ARHGAP11B: variants seen among roughly 807,000 people sequenced by gnomAD.
The protein encoded by ARHGAP11B is Rho GTPase activating protein 11B.
ARHGAP11B carries 14 observed loss-of-function variants against 27.6 expected under a neutral mutation model. The ratio of observed to expected loss-of-function variants is 0.51; its 90% confidence interval spans 0.34 to 0.79. The LOEUF (loss-of-function observed/expected upper bound fraction) is 0.79, where lower values mean the gene tolerates loss of function less well. ARHGAP11B is among the 30% of genes least tolerant of loss of function. ARHGAP11B has a pLI of 0.02. For synonymous variants in ARHGAP11B, 82 were observed against 114.1 expected (o/e 0.72, Z 1.80); for missense variants, 245 against 320.1 (o/e 0.77, Z 1.79).
chr15:30,632,897 G>C (rs1476050614), intron 2 of ARHGAP11B, among the ~76,000 whole-genome samples: 2 of 151,880 alleles, frequency 1.3e-5, no homozygotes, highest in Middle Eastern at 6.3e-3. Context: ...CGGAGCCCTG[G>C]GTTGTTCCAG....
intron 8 of ARHGAP11B, among the ~76,000 whole-genome samples, chr15:30,645,266 C>T (rs934547986): frequency 1.3e-5 from 2 of 151,632 alleles, no homozygotes; most frequent in South Asian, 2.1e-4. Context: ...AGCTGTTAAA[C>T]TCAATTTGGG....
rs147391411 is a variant in ARHGAP11B at position 30,646,946 on chromosome 15, G to A, written c.*324+651G>A. Among the ~76,000 whole-genome samples the A allele has an allele frequency of 3.1e-3, 479 of 152,076 alleles. 3 individuals are homozygous for A. The highest frequency in any genetic ancestry group is 0.01 in the African/African-American group (435 of 41,512). On this transcript the variant is annotated intron_variant, in intron 9 of 10. Transcript: ENST00000428041. Reference sequence around the variant, plus strand: ...ATTGCGGCATTGCACTCCAGCCTGGGCAAAAAGAGCGAAACTCCATCTCAA... The same window carrying A: ...ATTGCGGCATTGCACTCCAGCCTGGACAAAAAGAGCGAAACTCCATCTCAA...
Position 30,626,544 on chromosome 15 carries a change from G to A in ARHGAP11B, c.-277G>A, listed in dbSNP as rs866621754. The A allele has an allele frequency of 1.3e-4, 65 of 506,182 alleles. 1 individual carries two copies. The South Asian group carries it at 2.0e-3, about 15-fold the overall frequency. The allele number at this position is 506,182 out of a possible 1,614,324, so 31.4% of individuals were successfully genotyped here. On this transcript the variant is annotated 5_prime_UTR_variant, in exon 1 of 11. Coordinates refer to ENST00000428041, the Ensembl canonical transcript of ARHGAP11B. ...AAGAAGTCTATGTGAGTAGCTGAAAGCATTGGGTGACCAGAAAGAAGGTCG... is the reference window on the plus strand; with the variant it reads ...AAGAAGTCTATGTGAGTAGCTGAAAACATTGGGTGACCAGAAAGAAGGTCG...
At chr15:30,648,127 A>T (rs2060362615) in intron 10 of ARHGAP11B, among the ~76,000 whole-genome samples, 1 of 152,026 alleles carries the variant, frequency 6.6e-6, no homozygotes, top group African/African-American at 2.4e-5. Context: ...TATTGGTTAT[A>T]AAATACTTCA....
At chr15:30,638,950 G>A (rs1164374813) in intron 7 of ARHGAP11B, 140 bp downstream of exon 7, 1 of 474,944 alleles carries the variant, frequency 2.1e-6, no homozygotes, top group Non-Finnish European at 3.6e-6. Context: ...ATTTTTAATA[G>A]TCATACTGTA....
intron 1 of ARHGAP11B, among the ~76,000 whole-genome samples, chr15:30,629,296 C>A (rs757595613): frequency 6.6e-6 from 1 of 152,034 alleles, no homozygotes; most frequent in Non-Finnish European, 1.5e-5. Flanking sequence ...GTAATCCCAG[C>A]ATTTTGGGAG....
intron 2 of ARHGAP11B, among the ~76,000 whole-genome samples, chr15:30,632,503 C>A (rs1232473703): frequency 6.6e-6 from 1 of 151,688 alleles, no homozygotes; most frequent in Non-Finnish European, 1.5e-5. Flanking sequence ...ATCTTCATTG[C>A]AATTTCATGA....
chr15:30,637,781 C>T (rs113940128), intron 6 of ARHGAP11B, among the ~76,000 whole-genome samples: 35,831 of 148,688 alleles, frequency 0.24, 4,809 homozygotes, highest in Non-Finnish European at 0.28. Context: ...ATGCCTCCTC[C>T]TTGAATCTAC....
At chr15:30,641,995 CGT>C (rs2060318814) in intron 7 of ARHGAP11B, among the ~76,000 whole-genome samples, 1 of 152,028 alleles carries the variant, frequency 6.6e-6, no homozygotes, top group East Asian at 1.9e-4. Flanking sequence ...GGATTACAGA[CGT>C]GAGCCACGGT....
chr15:30,630,945 A>G (rs1206726131), intron 2 of ARHGAP11B, among the ~76,000 whole-genome samples, 172 bp downstream of exon 2: 1 of 151,930 alleles, frequency 6.6e-6, no homozygotes, highest in Non-Finnish European at 1.5e-5. Context: ...GGCGGAGCAC[A>G]CTTGTAGTCC....
intron 6 of ARHGAP11B, 56 bp from the exon 7 acceptor site, chr15:30,638,690 T>C (rs1364140746): frequency 1.8e-6 from 2 of 1,091,264 alleles, no homozygotes; most frequent in African/African-American, 3.3e-5. Context: ...TAATATGAAT[T>C]ATTGGTGAAA....
At position 30,647,091 on chromosome 15, in the gene ARHGAP11B, A is replaced by G. The variant is rs538153684; in HGVS notation, c.*325-577A>G. Among the ~76,000 whole-genome samples, 12 of 152,076 alleles carry G rather than the reference A, an allele frequency of 7.9e-5. No individual in the cohort carries two copies. In the South Asian group the frequency reaches 2.3e-3, roughly 29 times the overall value. On this transcript the variant is annotated intron_variant, in intron 9 of 10. Transcript: ENST00000428041. ...GTTCCTTTACTGGGTCATCTGGTAA[A>G]CTGCAAGGTTTCTGCTGTGACATTG...
chr15:30,627,350 G>A (rs1016153084), intron 1 of ARHGAP11B, among the ~76,000 whole-genome samples: 9 of 152,016 alleles, frequency 5.9e-5, no homozygotes, highest in Admixed American at 5.9e-4. Flanking sequence ...ACTGTATTTG[G>A]AACAGGTAGT....
In ARHGAP11B at chr15:30,635,428, T is replaced by C. The variant is rs56230817; in HGVS notation, c.661-59T>C. 6,160 of 1,557,220 alleles carry C rather than the reference T, an allele frequency of 4.0e-3. 231 individuals are homozygous for C. The African/African-American group carries it at 0.074, about 19-fold the overall frequency. ...AATTGGTATATTAGTATCTAAACAT[T>C]TTTGGGGAAGAGTGGAGGAAGGATA... On this transcript the variant is annotated intron_variant, in intron 5 of 10. Transcript: ENST00000428041.
chr15:30,637,717 T>C (rs948644990), intron 6 of ARHGAP11B, among the ~76,000 whole-genome samples: 3 of 151,620 alleles, frequency 2.0e-5, no homozygotes, highest in Admixed American at 1.3e-4. Context: ...CTGGGCAACA[T>C]AGCGAGACTC....
At chr15:30,632,143 C>T (rs1232076110) in intron 2 of ARHGAP11B, among the ~76,000 whole-genome samples, 4 of 30,452 alleles carry the variant, frequency 1.3e-4, no homozygotes, top group African/African-American at 1.4e-4. Flanking sequence ...ATAATTTAGC[C>T]GGGCGCGGGG....
At chr15:30,627,962 C>T (rs929212120) in intron 1 of ARHGAP11B, among the ~76,000 whole-genome samples, 1 of 151,676 alleles carries the variant, frequency 6.6e-6, no homozygotes, top group Admixed American at 6.6e-5. Flanking sequence ...TAAAAAGCTA[C>T]AGTGATTTTT....
At chr15:30,646,032 C>T (rs1013144124) in intron 8 of ARHGAP11B, 2 of 265,732 alleles carry the variant, frequency 7.5e-6, no homozygotes, top group Non-Finnish European at 1.2e-5. Context: ...TCTTAGTTGT[C>T]GTAATTCTGT....
chr15:30,628,794 G>C (rs912537017), intron 1 of ARHGAP11B, among the ~76,000 whole-genome samples: 1 of 152,080 alleles, frequency 6.6e-6, no homozygotes. Flanking sequence ...GTGTTTGTTA[G>C]CTAACTGTAG....
Sources: allele counts gnomAD v4.1 joint callset (sites outside exome capture counted in the v4.1 genomes callset), GRCh38; gene constraint gnomAD v4.1.1; transcripts MANE v1.5; gene names NCBI Gene and HGNC (gene_info 2026-07-23, HGNC 2026-07-21).